PTK7: variants seen among roughly 807,000 people sequenced by gnomAD.
PTK7 encodes the protein protein tyrosine kinase 7 (inactive), also known as inactive tyrosine-protein kinase 7.
PTK7 carries 39 observed loss-of-function variants against 116.6 expected under a neutral mutation model. The observed-to-expected ratio is 0.33, with a 90% CI of 0.26 to 0.44. The LOEUF is 0.44. PTK7 is among the 20% of genes least tolerant of loss of function. PTK7 has a pLI of 1.00. For synonymous variants in PTK7, 546 were observed against 563.6 expected, an observed-to-expected ratio of 0.97 and a Z score of 0.44; for missense variants, 1,169 against 1,425.6, an observed-to-expected ratio of 0.82 and a Z score of 2.90.
intron 16 of PTK7, 131 bp from the exon 17 acceptor site, chr6:43,146,487 A>G: frequency 1.4e-6 from 1 of 736,882 alleles, no homozygotes; most frequent in Non-Finnish European, 2.2e-6. Context: ...CCCCTGGGAA[A>G]GGGGCCCAGG....
At position 43,145,549 on chromosome 6, in the gene PTK7, C is replaced by A; in HGVS notation, c.2640+117C>A. The stretch of plus-strand genomic sequence containing the variant: ...TTGTCTCGTGCAGTCTCAGCCGAGA[C>A]CTCACCTGCCTGCTGTTACACTTTG... On this transcript the variant is annotated intron_variant, in intron 16 of 19. Transcript: ENST00000230419. The surrounding 1 kb of genome is among the most constrained non-coding windows in gnomAD (Gnocchi z 4.8). The A allele has an allele frequency of 2.7e-6, 2 of 735,288 alleles. No individual in the cohort carries two copies. Among genetic ancestry groups the A allele is most frequent in the Non-Finnish European group, 4.1e-6 (2 of 488,022 alleles). The allele number at this position is 735,288 out of a possible 1,614,324, so 45.5% of individuals were successfully genotyped here.
intron 10 of PTK7, among the ~76,000 whole-genome samples, chr6:43,140,844 TA>T (rs1216998299): frequency 1.3e-5 from 2 of 152,150 alleles, no homozygotes; most frequent in Non-Finnish European, 2.9e-5. Context: ...TATTTATTTT[TA>T]TTTTTTTTGT....
At chr6:43,119,912 T>A (rs1768859569) in intron 1 of PTK7, among the ~76,000 whole-genome samples, 1 of 152,184 alleles carries the variant, frequency 6.6e-6, no homozygotes, top group African/African-American at 2.4e-5. Context: ...CCTTCCTGCA[T>A]TCACCTTTGG....
rs747370213 is a variant in PTK7 at position 43,129,596 on chromosome 6, C to T, written c.368-131C>T. 2 of 812,912 alleles carry T rather than the reference C, an allele frequency of 2.5e-6. No homozygotes were observed. The highest frequency in any genetic ancestry group is 4.0e-6 in the Non-Finnish European group (2 of 500,358). The allele number at this position is 812,912 out of a possible 1,614,324, so 50.4% of individuals were successfully genotyped here. ...TGGTAACTGTAGCCCCAGCCTCAGCCTCCAGGGCTTCCTTGTGTCTGTTGG... is the reference window on the plus strand; with the variant it reads ...TGGTAACTGTAGCCCCAGCCTCAGCTTCCAGGGCTTCCTTGTGTCTGTTGG... On this transcript the variant is annotated intron_variant, in intron 2 of 19. Coordinates refer to ENST00000230419, the MANE Select transcript of PTK7 (RefSeq NM_002821.5). This position sits in a 1 kb window ranked among gnomAD's most constrained non-coding sequence, Gnocchi z 4.5.
rs376351894 is a variant in PTK7 at position 43,076,606 on chromosome 6, C to T, written c.79+39C>T. On this transcript the variant is annotated intron_variant, in intron 1 of 19. Transcript: ENST00000230419. This position sits in a 1 kb window ranked among gnomAD's most constrained non-coding sequence, Gnocchi z 5.7. ...AGTTGGGGGCACAGAGCTTGGGAAG[C>T]GCGGGAGTCCCGTGGGCAAAAGGCT... 1.3e-6 allele frequency: 2 copies of T among 1,548,704 alleles called. No homozygotes were observed. Among genetic ancestry groups the T allele is most frequent in the Non-Finnish European group, 1.7e-6 (2 of 1,151,114 alleles).
chr6:43,131,092 C>G (rs968413518), intron 5 of PTK7, among the ~76,000 whole-genome samples: 7 of 149,678 alleles, frequency 4.7e-5, no homozygotes, highest in Non-Finnish European at 1.0e-4. Context: ...TTAGAGGAAG[C>G]AAACACCTCT....
intron 1 of PTK7, among the ~76,000 whole-genome samples, chr6:43,111,371 C>A (rs1768185614): frequency 6.6e-6 from 1 of 152,152 alleles, no homozygotes; most frequent in Admixed American, 6.5e-5. Flanking sequence ...CAGAGAGAAC[C>A]ACTACAGCAG....
At chr6:43,092,525 G>T (rs953200029) in intron 1 of PTK7, among the ~76,000 whole-genome samples, 2 of 152,134 alleles carry the variant, frequency 1.3e-5, no homozygotes, top group African/African-American at 4.8e-5. Flanking sequence ...TTTGGGGGTT[G>T]TTACTACCTG....
chr6:43,135,604 G>A (rs945112467), intron 7 of PTK7, among the ~76,000 whole-genome samples: 1 of 152,202 alleles, frequency 6.6e-6, no homozygotes, highest in South Asian at 2.1e-4. Flanking sequence ...CATGTGATAG[G>A]CCCTGAGATG....
At chr6:43,126,352 G>T (rs1223011497) in intron 1 of PTK7, among the ~76,000 whole-genome samples, 1 of 152,112 alleles carries the variant, frequency 6.6e-6, no homozygotes, top group Non-Finnish European at 1.5e-5. Context: ...TAGGATTTTG[G>T]TGAGTCACAT....
intron 17 of PTK7, among the ~76,000 whole-genome samples, chr6:43,148,255 A>AGGGAG (rs57194038): frequency 0.069 from 10,108 of 145,768 alleles, 656 homozygotes; most frequent in African/African-American, 0.17. Context: ...CCTGTCTCAA[A>AGGGAG]GGGAGGGGAG....
intron 7 of PTK7, among the ~76,000 whole-genome samples, chr6:43,138,270 C>T (rs1770166890): frequency 6.6e-6 from 1 of 151,914 alleles, no homozygotes; most frequent in Non-Finnish European, 1.5e-5. Flanking sequence ...CTCGGCCTCC[C>T]AAAGTGCTGG....
rs1239519413 is a variant in PTK7, at chr6:43,080,119, G to C, written c.79+3552G>C. 2.0e-5 allele frequency among the ~76,000 whole-genome samples: 3 copies of C among 151,498 alleles called. No individual in the cohort carries two copies. In the East Asian group the frequency reaches 5.8e-4, roughly 29 times the overall value. ...TGTAATCCCAGCACTTTGGGAGGCT[G>C]AGGTGGGCGGATCATGAGGTTAGGA... On this transcript the variant is annotated intron_variant, in intron 1 of 19. Coordinates refer to ENST00000230419, the MANE Select transcript of PTK7 (RefSeq NM_002821.5).
At chr6:43,091,035 C>G (rs35732735) in intron 1 of PTK7, among the ~76,000 whole-genome samples, 3,230 of 152,300 alleles carry the variant, frequency 0.021, 47 homozygotes, top group Non-Finnish European at 0.032. Flanking sequence ...TGGCTGCCCC[C>G]TCCTTGCTCC....
chr6:43,093,818 C>T (rs1397792001), intron 1 of PTK7, among the ~76,000 whole-genome samples: 1 of 152,142 alleles, frequency 6.6e-6, no homozygotes, highest in Non-Finnish European at 1.5e-5. Flanking sequence ...AATGAAAGTA[C>T]ACTCCACAGT....
chr6:43,129,918 C>T lies in PTK7; in HGVS notation c.470+89C>T, dbSNP rs1480199496. 2.0e-5 allele frequency: 26 copies of T among 1,278,984 alleles called. No individual in the cohort carries two copies. The highest frequency in any genetic ancestry group is 1.7e-4 in the Admixed American group (9 of 52,422). The allele number at this position is 1,278,984 out of a possible 1,614,324, so 79.2% of individuals were successfully genotyped here. A position where few individuals can be genotyped will look rare whatever the true frequency, so the allele number is the denominator to read the frequency against. On this transcript the variant is annotated intron_variant, in intron 3 of 19. Transcript: ENST00000230419. The surrounding 1 kb of genome is among the most constrained non-coding windows in gnomAD (Gnocchi z 4.5). The stretch of plus-strand genomic sequence containing the variant: ...TGGACTCTATGCGGATGTTACCTCG[C>T]TCCATTCTGTGACCACTCGTTCCAC...
At chr6:43,125,043 A>C (rs963640891) in intron 1 of PTK7, among the ~76,000 whole-genome samples, 2 of 152,164 alleles carry the variant, frequency 1.3e-5, no homozygotes, top group African/African-American at 4.8e-5. Flanking sequence ...GTGGTAGCTC[A>C]TGCCAGTAAT....
chr6:43,115,706 T>G (rs998971005), intron 1 of PTK7, among the ~76,000 whole-genome samples: 3 of 151,894 alleles, frequency 2.0e-5, no homozygotes, highest in Middle Eastern at 3.4e-3. Flanking sequence ...GAGGCCGAGA[T>G]GGGCAGATTG....
chr6:43,144,640 A>T, intron 15 of PTK7, 34 bp downstream of exon 15: 3 of 1,581,624 alleles, frequency 1.9e-6, no homozygotes, highest in Non-Finnish European at 2.6e-6. Flanking sequence ...CCCCTGCCTA[A>T]CTACAAGTCA....
Sources: gnomAD v4.1 joint callset for allele counts (sites outside exome capture counted in the v4.1 genomes callset) on GRCh38, gnomAD v4.1.1 for gene constraint, Gnocchi (gnomAD v3.1) non-coding constraint, MANE v1.5 for transcripts, NCBI Gene and HGNC (gene_info 2026-07-23, HGNC 2026-07-21) for gene names.